Variants in ASCC2 observed in about 807,000 individuals in gnomAD.
ASCC2 encodes the protein activating signal cointegrator 1 complex subunit 2, also known as ASC-1 complex subunit P100.
Under a neutral mutation model 93.5 loss-of-function variants are expected in ASCC2, and 42 were observed. The observed-to-expected ratio is 0.45, with a 90% confidence interval of 0.35 to 0.58. ASCC2 has a LOEUF of 0.58. Among genes scored for constraint, ASCC2 ranks in the 20% least tolerant of loss-of-function variants. The probability of loss-of-function intolerance (pLI) is 0.00; values close to 1 mark genes in which losing one functional copy is unlikely to be tolerated. For synonymous variants in ASCC2, 364 were observed against 384.2 expected (o/e 0.95, Z 0.62); for missense variants, 859 against 977.6 (o/e 0.88, Z 1.62).
At chr22:29,804,952 G>C in intron 12 of ASCC2, 122 bp from the exon 13 acceptor site, 1 of 1,042,956 alleles carries the variant, frequency 9.6e-7, no homozygotes, top group Non-Finnish European at 1.4e-6. Context: ...CTATATCTAA[G>C]TGGTATAGCC....
chr22:29,792,332 G>C, intron 18 of ASCC2, 101 bp downstream of exon 18: 1 of 1,544,334 alleles, frequency 6.5e-7, no homozygotes, highest in Non-Finnish European at 8.7e-7. Flanking sequence ...AGTGATGCTG[G>C]GGCTGCCTCA....
At chr22:29,807,995 G>A in intron 9 of ASCC2, 116 bp downstream of exon 9, 1 of 999,168 alleles carries the variant, frequency 1.0e-6, no homozygotes, top group Non-Finnish European at 1.5e-6. Context: ...AAGCTGCACA[G>A]TCCCTGGTCC....
chr22:29,835,764 C>T (rs2148443588), intron 1 of ASCC2, among the ~76,000 whole-genome samples: 1 of 152,314 alleles, frequency 6.6e-6, no homozygotes, highest in East Asian at 1.9e-4. Context: ...AGAGGCAAGA[C>T]ACTTTGGGCT....
intron 2 of ASCC2, among the ~76,000 whole-genome samples, chr22:29,829,541 T>C (rs1334299016): frequency 2.0e-5 from 3 of 151,998 alleles, no homozygotes; most frequent in East Asian, 2.0e-4. Flanking sequence ...GCCAACATGG[T>C]GAAACCCCGT....
chr22:29,813,463 C>T lies in ASCC2; in HGVS notation c.800G>A (p.Cys267Tyr). ...WAFLDIFPLA[C>Y]QTFQKHDFCY... ...AAAGTCGTGCTTCTGGAAGGTCTGG[C>T]AAGCCAAAGGGAAGATATCCAGAAA... is the stretch of plus-strand genomic sequence containing the variant. Residue 267 changes from cysteine to tyrosine, a missense_variant, in exon 8 of 20, where the codon TGC (cysteine) becomes TAC (tyrosine). Physicochemically the swap from Cys to Tyr is radical, Grantham distance 194. Coordinates refer to ENST00000307790, the MANE Select transcript of ASCC2 (RefSeq NM_032204.5). The T allele has an allele frequency of 6.2e-7, 1 of 1,614,098 alleles. No individual in the cohort carries two copies. Among genetic ancestry groups the T allele is most frequent in the Non-Finnish European group, 8.5e-7 (1 of 1,179,934 alleles).
intron 15 of ASCC2, among the ~76,000 whole-genome samples, chr22:29,794,655 A>G (rs1264749768): frequency 1.3e-5 from 2 of 152,232 alleles, no homozygotes; most frequent in African/African-American, 2.4e-5. Context: ...GAAAGCAACT[A>G]ATGTCCATCA....
intron 15 of ASCC2, among the ~76,000 whole-genome samples, chr22:29,800,152 A>G (rs562513575): frequency 6.6e-6 from 1 of 152,238 alleles, no homozygotes; most frequent in South Asian, 2.1e-4. Context: ...TGTGCTCACT[A>G]TGGCCTCGGG....
chr22:29,831,792 G>A (rs1248582049), intron 2 of ASCC2, among the ~76,000 whole-genome samples: 1 of 152,148 alleles, frequency 6.6e-6, no homozygotes, highest in Non-Finnish European at 1.5e-5. Flanking sequence ...TTTGTATGTG[G>A]TGCTTCCTAT....
intron 5 of ASCC2, chr22:29,822,008 T>C (rs1465523688): frequency 4.5e-6 from 2 of 441,876 alleles, no homozygotes; most frequent in Admixed American, 5.2e-5. Context: ...TTTTTCTTTT[T>C]TTTTGAGATG....
Position 29,802,185 on chromosome 22 carries a change from C to T in ASCC2, c.1377G>A (p.Val459=), listed in dbSNP as rs1200221913. 1 of 1,614,178 alleles carries T rather than the reference C, an allele frequency of 6.2e-7. No individual in the cohort carries two copies. Among genetic ancestry groups the T allele is most frequent in the Admixed American group, 1.7e-5 (1 of 60,032 alleles). ...EEECMGAAAA[V]GPAMCGVELD... is the part of the protein sequence containing the mutation. ...GTTCCACCCCACACATGGCAGGGCCCACAGCCGCGGCTGCTCCCATGCACT... is the reference window on the plus strand; with the variant it reads ...GTTCCACCCCACACATGGCAGGGCCTACAGCCGCGGCTGCTCCCATGCACT... Residue 459 remains valine, a synonymous_variant, in exon 14 of 20, where the codon GTG becomes GTA. Transcript: ENST00000307790.
At position 29,825,390 on chromosome 22, in the gene ASCC2, G is replaced by A. The variant is rs915386781; in HGVS notation, c.241-133C>T. Reference sequence around the variant, plus strand: ...ACTCCGACCCCAAGGGACCAAGGAGGTATGAATGAGCCAAGGGCTAAACAC... The same window carrying A: ...ACTCCGACCCCAAGGGACCAAGGAGATATGAATGAGCCAAGGGCTAAACAC... On this transcript the variant is annotated intron_variant, in intron 3 of 19. Coordinates refer to ENST00000307790, the MANE Select transcript of ASCC2 (RefSeq NM_032204.5). The surrounding 1 kb of genome is among the most constrained non-coding windows in gnomAD (Gnocchi z 4.9). 2.4e-6 allele frequency: 3 copies of A among 1,241,660 alleles called. No individual in the cohort carries two copies. The highest frequency in any genetic ancestry group is 2.4e-5 in the East Asian group (1 of 41,416). 76.9% of individuals were successfully genotyped at this position (1,241,660 alleles called of 1,614,324 possible). A position where few individuals can be genotyped will look rare whatever the true frequency, so the allele number is the denominator to read the frequency against.
rs2068480062 is a variant in ASCC2, at chr22:29,788,910, G to A, written c.*103C>T. Reference sequence around the variant, plus strand: ...GGCTGCAAAGCTGAGGCTGTTGAGGGGTTGAGTTGAACTTGGGGCCCCTAG... The same window carrying A: ...GGCTGCAAAGCTGAGGCTGTTGAGGAGTTGAGTTGAACTTGGGGCCCCTAG... On this transcript the variant is annotated 3_prime_UTR_variant, in exon 20 of 20. Coordinates refer to ENST00000307790, the MANE Select transcript of ASCC2 (RefSeq NM_032204.5). The A allele has an allele frequency of 7.1e-7, 1 of 1,406,462 alleles. No individual in the cohort carries two copies. The highest frequency in any genetic ancestry group is 9.9e-7 in the Non-Finnish European group (1 of 1,011,930). 87.1% of individuals were successfully genotyped at this position (1,406,462 alleles called of 1,614,324 possible).
chr22:29,829,802 C>T (rs555632841), intron 2 of ASCC2, among the ~76,000 whole-genome samples: 2 of 152,180 alleles, frequency 1.3e-5, no homozygotes, highest in South Asian at 2.1e-4. Context: ...GGATTACAGG[C>T]GTGAGCTACC....
At chr22:29,811,116 T>C (rs2060229042) in intron 8 of ASCC2, among the ~76,000 whole-genome samples, 1 of 152,356 alleles carries the variant, frequency 6.6e-6, no homozygotes, top group South Asian at 2.1e-4. Context: ...AGTGGAATTC[T>C]ACCCGGCCAT....
At chr22:29,830,294 C>T (rs2062965977) in intron 2 of ASCC2, among the ~76,000 whole-genome samples, 1 of 152,206 alleles carries the variant, frequency 6.6e-6, no homozygotes, top group Admixed American at 6.5e-5. Context: ...GGTTCAATAA[C>T]TTGCCCAAAG....
intron 15 of ASCC2, among the ~76,000 whole-genome samples, chr22:29,799,974 T>C (rs963676622): frequency 2.6e-5 from 4 of 152,130 alleles, no homozygotes; most frequent in African/African-American, 9.7e-5. Context: ...TTTTTGTATA[T>C]ATGGGGTTTC....
At chr22:29,830,075 G>C (rs566745457) in intron 2 of ASCC2, among the ~76,000 whole-genome samples, 1 of 152,158 alleles carries the variant, frequency 6.6e-6, no homozygotes, top group African/African-American at 2.4e-5. Context: ...TCAGGCAGCT[G>C]TCTCCCTCAA....
At chr22:29,835,304 G>A (rs943586096) in intron 1 of ASCC2, among the ~76,000 whole-genome samples, 4 of 151,868 alleles carry the variant, frequency 2.6e-5, no homozygotes, top group Non-Finnish European at 5.9e-5. Context: ...AGGCTGAGGC[G>A]GAAGGATCAC....
chr22:29,792,346 C>T (rs1222583223), intron 18 of ASCC2, 87 bp downstream of exon 18: 1 of 1,568,636 alleles, frequency 6.4e-7, no homozygotes, highest in Admixed American at 1.8e-5. Flanking sequence ...TGCCTCAGGG[C>T]CAGACATAGG....
Sources: allele counts gnomAD v4.1 joint callset (sites outside exome capture counted in the v4.1 genomes callset), GRCh38; gene constraint gnomAD v4.1.1; non-coding constraint Gnocchi (gnomAD v3.1); transcripts MANE v1.5; gene names NCBI Gene and HGNC (gene_info 2026-07-23, HGNC 2026-07-21).